The following PHACTR1 variants were observed in gnomAD, a reference collection of about 807,000 sequenced individuals.
PHACTR1 encodes RPEL repeat containing 1.
A neutral mutation model predicts 69.2 loss-of-function variants in PHACTR1; 16 were observed. The observed-to-expected ratio is 0.23, with a 90% confidence interval of 0.16 to 0.35. The LOEUF is 0.35. PHACTR1 is among the 10% of genes least tolerant of loss of function. PHACTR1 has a pLI of 1.00. For synonymous variants in PHACTR1, 312 were observed against 284.5 expected, an observed-to-expected ratio of 1.10 and a Z score of -0.97; for missense variants, 510 against 734.7, an observed-to-expected ratio of 0.69 and a Z score of 3.54.
At chr6:12,925,983 C>G (rs1788232379) in intron 4 of PHACTR1, among the ~76,000 whole-genome samples, 2 of 152,212 alleles carry the variant, frequency 1.3e-5, no homozygotes, top group Non-Finnish European at 2.9e-5. Context: ...TCACTAATAT[C>G]TCTGAAAATA....
At chr6:12,722,732 T>C (rs1762281988) in intron 3 of PHACTR1, among the ~76,000 whole-genome samples, 1 of 152,200 alleles carries the variant, frequency 6.6e-6, no homozygotes, top group Non-Finnish European at 1.5e-5. Context: ...TCTCTCATGA[T>C]TCTGCTTTAG....
chr6:13,075,731 G>A (rs1397062420), intron 5 of PHACTR1, among the ~76,000 whole-genome samples: 1 of 152,090 alleles, frequency 6.6e-6, no homozygotes, highest in Non-Finnish European at 1.5e-5. Context: ...TCCAGCATTT[G>A]GCCAGGCTAT....
chr6:13,064,974 G>A (rs1028379981), intron 5 of PHACTR1, among the ~76,000 whole-genome samples: 9 of 152,038 alleles, frequency 5.9e-5, no homozygotes, highest in African/African-American at 1.2e-4. Flanking sequence ...TTGTGTCCAT[G>A]TTCAATTGAG....
At position 13,182,570 on chromosome 6, in the gene PHACTR1, C is replaced by T. The variant is rs1476726690; in HGVS notation, c.548C>T (p.Ser183Phe). The T allele has an allele frequency of 1.2e-6, 2 of 1,613,832 alleles. No homozygotes were observed. Among genetic ancestry groups the T allele is most frequent in the African/African-American group, 1.3e-5 (1 of 75,038 alleles). Reference protein sequence around the residue: ...NEEDSLENGQSLSSSQLSLPA... With the variant: ...NEEDSLENGQFLSSSQLSLPA... ...GAGGACTCCCTAGAAAATGGGCAGT[C>T]CCTGAGCTCCAGCCAGCTGTCTCTG... is the stretch of plus-strand genomic sequence containing the variant. The change falls in exon 7 of 15, where the codon TCC (serine) becomes TTC (phenylalanine). Residue 183 changes from serine (S) to phenylalanine (F), a missense_variant. Physicochemically the swap from Ser to Phe is radical, Grantham distance 155. Around this residue, in one of 2 missense-constraint regions of PHACTR1, gnomAD observed 419 missense variants for 530.9 expected, o/e 0.79. Transcript: ENST00000332995.
chr6:12,802,488 G>A (rs978122710), intron 4 of PHACTR1, among the ~76,000 whole-genome samples: 7 of 152,070 alleles, frequency 4.6e-5, no homozygotes, highest in Non-Finnish European at 8.8e-5. Context: ...AGTATCAGAA[G>A]AGGAGCAATT....
chr6:13,055,460 CA>C (rs1256590614), intron 5 of PHACTR1, among the ~76,000 whole-genome samples: 1 of 151,680 alleles, frequency 6.6e-6, no homozygotes, highest in African/African-American at 2.4e-5. Context: ...ATTCTTTAAG[CA>C]AAGTAAGATG....
chr6:13,120,774 T>G (rs1189082081), intron 5 of PHACTR1, among the ~76,000 whole-genome samples: 1 of 152,238 alleles, frequency 6.6e-6, no homozygotes, highest in Admixed American at 6.5e-5. Flanking sequence ...AGACATCATC[T>G]GCAAGGACTC....
rs771080320 is a variant in PHACTR1 at position 12,954,561 on chromosome 6, G to T, written c.251-98804G>T. ...CTAGGGGAAATGGGCAGAGAGAGAG[G>T]ATGTGTAGAAAGTAGAGTCAAGTCA... On this transcript the variant is annotated intron_variant, in intron 4 of 14. Transcript: ENST00000332995. 3.3e-5 allele frequency among the ~76,000 whole-genome samples: 5 copies of T among 151,984 alleles called. No individual in the cohort carries two copies. The South Asian group carries it at 1.0e-3, about 32-fold the overall frequency.
chr6:12,992,344 A>C (rs1290307801), intron 4 of PHACTR1, among the ~76,000 whole-genome samples: 1 of 152,252 alleles, frequency 6.6e-6, no homozygotes, highest in Non-Finnish European at 1.5e-5. Flanking sequence ...GGTAGCCAGA[A>C]GCTAAATATA....
intron 4 of PHACTR1, among the ~76,000 whole-genome samples, chr6:12,910,891 G>C (rs1214380995): frequency 6.6e-6 from 1 of 152,220 alleles, no homozygotes; most frequent in Admixed American, 6.5e-5. Context: ...GGGAAGATGG[G>C]ACATGTACAC....
intron 4 of PHACTR1, among the ~76,000 whole-genome samples, chr6:12,832,737 C>A (rs1777720008): frequency 6.6e-6 from 1 of 152,088 alleles, no homozygotes; most frequent in African/African-American, 2.4e-5. Context: ...TAGTTTCAGA[C>A]CTTTAAGCTG....
At chr6:13,128,501 C>A (rs1819904364) in intron 5 of PHACTR1, among the ~76,000 whole-genome samples, 1 of 151,176 alleles carries the variant, frequency 6.6e-6, no homozygotes, top group South Asian at 2.1e-4. Flanking sequence ...TAGATATATA[C>A]AAAATGCAGT....
chr6:12,785,027 A>G (rs1402560677), intron 4 of PHACTR1, among the ~76,000 whole-genome samples: 1 of 151,638 alleles, frequency 6.6e-6, no homozygotes, highest in East Asian at 1.9e-4. Flanking sequence ...TATTATACAT[A>G]TATATTTATA....
intron 4 of PHACTR1, among the ~76,000 whole-genome samples, chr6:12,789,752 ATTTTT>A (rs1772004945): frequency 6.6e-6 from 1 of 151,026 alleles, no homozygotes. Context: ...TTCTTTTTTT[ATTTTT>A]ATTTTTTATT....
At chr6:12,931,708 A>T (rs1788893764) in intron 4 of PHACTR1, among the ~76,000 whole-genome samples, 3 of 151,860 alleles carry the variant, frequency 2.0e-5, no homozygotes, top group Admixed American at 2.0e-4. Context: ...TCACATAAGT[A>T]AAAAAGGAGG....
At chr6:12,957,964 C>T (rs1048213060) in intron 4 of PHACTR1, 1 of 985,310 alleles carries the variant, frequency 1.0e-6, no homozygotes, top group Non-Finnish European at 1.2e-6. Context: ...GAAAGCACAG[C>T]TATTGGAAAG....
At chr6:13,098,867 A>C (rs1464878476) in intron 5 of PHACTR1, among the ~76,000 whole-genome samples, 2 of 152,222 alleles carry the variant, frequency 1.3e-5, no homozygotes, top group African/African-American at 4.8e-5. Flanking sequence ...CTGAGCCATC[A>C]CAACAGCCTC....
chr6:13,021,353 A>G (rs1216784200), intron 4 of PHACTR1, among the ~76,000 whole-genome samples: 1 of 152,222 alleles, frequency 6.6e-6, no homozygotes, highest in Non-Finnish European at 1.5e-5. Flanking sequence ...ATGTATCAGA[A>G]TTTCATTGCT....
Position 13,283,543 on chromosome 6 carries a change from G to A in PHACTR1, c.1631G>A (p.Arg544His), listed in dbSNP as rs1304744795. 5 of 1,613,830 alleles carry A rather than the reference G, an allele frequency of 3.1e-6. No individual in the cohort carries two copies. The highest frequency in any genetic ancestry group is 2.7e-5 in the African/African-American group (2 of 75,038). ...YDRRADKPWT[R>H]LTAADKAAIR... is the part of the protein sequence containing the mutation. ...CGCAGGGCAGATAAGCCGTGGACCC[G>A]CCTCACCGCTGCAGACAAAGTAAGC... is the stretch of plus-strand genomic sequence containing the variant. Residue 544 changes from arginine to histidine, a missense_variant, in exon 13 of 15, where the codon CGC (arginine) becomes CAC (histidine). Coordinates refer to ENST00000332995, the MANE Select transcript of PHACTR1 (RefSeq NM_030948.6). This position sits in a 1 kb window ranked among gnomAD's most constrained non-coding sequence, Gnocchi z 4.7.
Sources: allele counts gnomAD v4.1 joint callset (sites outside exome capture counted in the v4.1 genomes callset), GRCh38; gene constraint gnomAD v4.1.1; regional missense constraint gnomAD v4.1.1; non-coding constraint Gnocchi (gnomAD v3.1); transcripts MANE v1.5; gene names NCBI Gene and HGNC (gene_info 2026-07-23, HGNC 2026-07-21).